Variants in INPP5A observed in about 807,000 individuals in gnomAD.
The protein encoded by INPP5A is inositol polyphosphate-5-phosphatase A.
A neutral mutation model predicts 65.2 loss-of-function variants in INPP5A; 14 were observed. That is an observed-to-expected ratio of 0.21 (90% CI 0.14 to 0.34). The LOEUF (loss-of-function observed/expected upper bound fraction) is 0.34. Among genes scored for constraint, INPP5A ranks in the 10% least tolerant of loss-of-function variants. INPP5A has a pLI of 1.00. For synonymous variants in INPP5A, 207 were observed against 208.3 expected (o/e 0.99, Z 0.05); for missense variants, 431 against 545.6 (o/e 0.79, Z 2.09).
At chr10:132,748,132 C>A (rs1474429897) in intron 9 of INPP5A, among the ~76,000 whole-genome samples, 1 of 152,196 alleles carries the variant, frequency 6.6e-6, no homozygotes, top group African/African-American at 2.4e-5. Context: ...GACTCTCTCT[C>A]CATATAATCC....
chr10:132,636,665 T>C (rs1000832793), intron 2 of INPP5A, among the ~76,000 whole-genome samples: 5 of 152,188 alleles, frequency 3.3e-5, no homozygotes, highest in African/African-American at 1.2e-4. Context: ...TGGTTATTTA[T>C]GGAAGAGAAC....
chr10:132,745,472 C>T (rs909904713), intron 9 of INPP5A, among the ~76,000 whole-genome samples: 5 of 150,782 alleles, frequency 3.3e-5, no homozygotes, highest in African/African-American at 1.2e-4. Context: ...GAGCTGCACC[C>T]CTGGGATCCC....
chr10:132,551,166 C>G lies in INPP5A; in HGVS notation c.75+12995C>G, dbSNP rs987931516. On this transcript the variant is annotated intron_variant, in intron 1 of 15. Transcript: ENST00000368594. The surrounding 1 kb of genome is among the most constrained non-coding windows in gnomAD (Gnocchi z 5.3). ...CTTATCCCTGAGCACCCTCCCTTGCCTACCTTTCAGGCTTCTGAGCGGCTG... is the reference window on the plus strand; with the variant it reads ...CTTATCCCTGAGCACCCTCCCTTGCGTACCTTTCAGGCTTCTGAGCGGCTG... 6.6e-6 allele frequency among the ~76,000 whole-genome samples: 1 copy of G among 152,218 alleles called. No individual in the cohort carries two copies. Among genetic ancestry groups the G allele is most frequent in the Non-Finnish European group, 1.5e-5 (1 of 68,036 alleles).
chr10:132,677,693 G>A (rs1156415957), intron 4 of INPP5A, among the ~76,000 whole-genome samples: 3 of 152,176 alleles, frequency 2.0e-5, no homozygotes, highest in Admixed American at 1.3e-4. Flanking sequence ...GGAATTTATC[G>A]TGGCCAGCGA....
intron 1 of INPP5A, among the ~76,000 whole-genome samples, chr10:132,561,406 C>A (rs2071203791): frequency 6.6e-6 from 1 of 151,442 alleles, no homozygotes; most frequent in South Asian, 2.1e-4. Context: ...GGTCTTCATT[C>A]TTTTGCATAT....
intron 8 of INPP5A, among the ~76,000 whole-genome samples, chr10:132,721,793 G>T (rs1300894081): frequency 2.0e-5 from 3 of 151,936 alleles, no homozygotes; most frequent in Admixed American, 6.6e-5. Context: ...TGTCTTGCGG[G>T]TTCTGTGGTG....
chr10:132,575,256 T>C lies in INPP5A; in HGVS notation c.76-32659T>C, dbSNP rs2071400072. On this transcript the variant is annotated intron_variant, in intron 1 of 15. Coordinates refer to ENST00000368594, the MANE Select transcript of INPP5A (RefSeq NM_005539.5). This position sits in a 1 kb window ranked among gnomAD's most constrained non-coding sequence, Gnocchi z 5.4. ...GAAGGGCGGCCGCCTGATGTCTGCCTGCTTTTGGCATTTGGACGACACCTG... is the reference window on the plus strand; with the variant it reads ...GAAGGGCGGCCGCCTGATGTCTGCCCGCTTTTGGCATTTGGACGACACCTG... Among the ~76,000 whole-genome samples the C allele has an allele frequency of 6.6e-6, 1 of 152,202 alleles. No homozygotes were observed. Among genetic ancestry groups the C allele is most frequent in the Non-Finnish European group, 1.5e-5 (1 of 68,018 alleles).
intron 8 of INPP5A, among the ~76,000 whole-genome samples, chr10:132,724,183 C>G (rs1341905815): frequency 6.6e-6 from 1 of 152,052 alleles, no homozygotes; most frequent in Non-Finnish European, 1.5e-5. Context: ...AAAAGATCTG[C>G]AGAAAAGAAT....
At chr10:132,591,377 G>A (rs986489582) in intron 1 of INPP5A, among the ~76,000 whole-genome samples, 1 of 152,210 alleles carries the variant, frequency 6.6e-6, no homozygotes, top group Admixed American at 6.5e-5. Context: ...GCCGCTGGCA[G>A]GCTGTGGGAC....
At chr10:132,776,630 C>G (rs1485882115) in intron 12 of INPP5A, among the ~76,000 whole-genome samples, 3 of 152,202 alleles carry the variant, frequency 2.0e-5, no homozygotes, top group Non-Finnish European at 4.4e-5. Flanking sequence ...CACTTAGGGG[C>G]AGGTGGCTGA....
chr10:132,582,756 G>A (rs931852760), intron 1 of INPP5A, among the ~76,000 whole-genome samples: 2 of 152,124 alleles, frequency 1.3e-5, no homozygotes, highest in African/African-American at 4.8e-5. Flanking sequence ...GAAAATCCAG[G>A]TATAAGTGTG....
chr10:132,765,814 A>G lies in INPP5A; in HGVS notation c.945A>G (p.Arg315=). 4 of 1,605,186 alleles carry G rather than the reference A, an allele frequency of 2.5e-6. No individual in the cohort carries two copies. The highest frequency in any genetic ancestry group is 3.4e-6 in the Non-Finnish European group (4 of 1,171,908). Residue 315 remains arginine (R), a synonymous_variant, in exon 12 of 16, where the codon AGA becomes AGG. Transcript: ENST00000368594. The stretch of plus-strand genomic sequence containing the variant: ...AGGAGTTGTCTGTCTTTAAGGACAG[A>G]CTGTATGAACTGGACATCTCGTTCC... The part of the protein sequence containing the change: ...FDKELSVFKD[R]LYELDISFPP...
At chr10:132,691,523 CGCGGATCT>C (rs1845261669) in intron 5 of INPP5A, among the ~76,000 whole-genome samples, 1 of 152,246 alleles carries the variant, frequency 6.6e-6, no homozygotes, top group Non-Finnish European at 1.5e-5. Flanking sequence ...TGCGCCGTGC[CGCGGATCT>C]GCAGACCTTT....
chr10:132,561,777 T>G (rs973005518), intron 1 of INPP5A, among the ~76,000 whole-genome samples: 1 of 149,430 alleles, frequency 6.7e-6, no homozygotes, highest in Non-Finnish European at 1.5e-5. Flanking sequence ...TGCTGGAATT[T>G]ACACACACCA....
intron 12 of INPP5A, among the ~76,000 whole-genome samples, chr10:132,774,329 A>G (rs1245792028): frequency 1.3e-5 from 2 of 151,990 alleles, no homozygotes; most frequent in Admixed American, 1.3e-4. Context: ...AGTGTGCTGC[A>G]CCCTCCTGCT....
At chr10:132,557,109 G>T (rs1313323490) in intron 1 of INPP5A, among the ~76,000 whole-genome samples, 1 of 152,222 alleles carries the variant, frequency 6.6e-6, no homozygotes, top group Non-Finnish European at 1.5e-5. Flanking sequence ...GTGGAGATTT[G>T]GTCAGTTCCG....
At chr10:132,611,473 G>T (rs2071949236) in intron 2 of INPP5A, among the ~76,000 whole-genome samples, 2 of 144,504 alleles carry the variant, frequency 1.4e-5, no homozygotes, top group Non-Finnish European at 3.0e-5. Flanking sequence ...AAGTGAGGTG[G>T]GCATGGGAGA....
At chr10:132,670,192 CT>C (rs2072866179) in intron 4 of INPP5A, among the ~76,000 whole-genome samples, 2 of 119,900 alleles carry the variant, frequency 1.7e-5, no homozygotes, top group Non-Finnish European at 3.6e-5. Context: ...CCCACACCCC[CT>C]GACCCCACCC....
At chr10:132,660,347 T>G (rs2072719388) in intron 4 of INPP5A, among the ~76,000 whole-genome samples, 1 of 152,220 alleles carries the variant, frequency 6.6e-6, no homozygotes, top group South Asian at 2.1e-4. Flanking sequence ...TAATTGCCTC[T>G]GGGAACTAGA....
Sources: gnomAD v4.1 joint callset for allele counts (sites outside exome capture counted in the v4.1 genomes callset) on GRCh38, gnomAD v4.1.1 for gene constraint, Gnocchi (gnomAD v3.1) non-coding constraint, MANE v1.5 for transcripts, NCBI Gene and HGNC (gene_info 2026-07-23, HGNC 2026-07-21) for gene names.